The following APBA3 variants were observed in gnomAD, a reference collection of about 807,000 sequenced individuals.
APBA3 encodes amyloid-beta A4 precursor protein-binding family A member 3.
APBA3 carries 45 observed loss-of-function variants against 55.9 expected under a neutral mutation model. The observed-to-expected ratio is 0.80, with a 90% CI of 0.63 to 1.03. The LOEUF is 1.03. Among genes scored for constraint, APBA3 ranks in the 50% least tolerant of loss-of-function variants. The pLI is 0.00. For missense variants in APBA3, 865 were observed against 820.3 expected, an observed-to-expected ratio of 1.05 and a Z score of -0.67; for synonymous variants, 370 against 353.3, an observed-to-expected ratio of 1.05 and a Z score of -0.53.
In APBA3 at chr19:3,752,496, C is replaced by T; in HGVS notation, c.1395+12G>A. 6.4e-7 allele frequency: 1 copy of T among 1,558,726 alleles called. No homozygotes were observed. The highest frequency in any genetic ancestry group is 1.3e-5 in the African/African-American group (1 of 74,278). ...TGGGAGTGTGGGGGCCCTGCCACAC[C>T]AGGAAACTCACGCGGACAGCGGCCT... On this transcript the variant is annotated intron_variant, in intron 8 of 10. Transcript: ENST00000316757.
intron 3 of APBA3, among the ~76,000 whole-genome samples, chr19:3,757,431 C>T (rs2037091007): frequency 6.6e-6 from 1 of 151,898 alleles, no homozygotes; most frequent in African/African-American, 2.4e-5. Flanking sequence ...GACCTATATC[C>T]TTAGCGAAGT....
intron 3 of APBA3, among the ~76,000 whole-genome samples, chr19:3,758,276 C>T (rs2037102809): frequency 2.0e-5 from 3 of 151,792 alleles, no homozygotes; most frequent in Non-Finnish European, 4.4e-5. Context: ...ATTTTTGAGA[C>T]AGAGTCTCGC....
rs753396584 is a variant in APBA3 at position 3,752,595 on chromosome 19, C to T, written c.1308G>A (p.Gly436=). 26 of 1,586,266 alleles carry T rather than the reference C, an allele frequency of 1.6e-5. No homozygotes were observed. Among genetic ancestry groups the T allele is most frequent in the Non-Finnish European group, 2.1e-5 (25 of 1,171,456 alleles). Reference sequence around the variant, plus strand: ...TCAGGCGGTCCCCGATGCTGAGGGCCCCCGAGCGCTCAGCAGGCCCCCCGT... The same window carrying T: ...TCAGGCGGTCCCCGATGCTGAGGGCTCCCGAGCGCTCAGCAGGCCCCCCGT... ...LLHGGPAERS[G]ALSIGDRLTA... The change falls in exon 8 of 11, where the codon GGG becomes GGA. Residue 436 remains glycine, a synonymous_variant. Coordinates refer to ENST00000316757, the MANE Select transcript of APBA3 (RefSeq NM_004886.4).
At chr19:3,756,119 G>A (rs1298115265) in intron 3 of APBA3, 3 of 152,210 alleles carry the variant, frequency 2.0e-5, no homozygotes, top group African/African-American at 7.2e-5. Context: ...GACTTGAAAT[G>A]TGGCTCGACT....
intron 5 of APBA3, 36 bp from the exon 6 acceptor site, chr19:3,753,962 G>A (rs1208574528): frequency 6.4e-7 from 1 of 1,564,160 alleles, no homozygotes; most frequent in Admixed American, 1.9e-5. Flanking sequence ...GGGTTGGGGG[G>A]CCGTGCCAGG....
At chr19:3,751,725 G>T in intron 8 of APBA3, 172 bp from the exon 9 acceptor site, 1 of 780,834 alleles carries the variant, frequency 1.3e-6, no homozygotes, top group Non-Finnish European at 1.9e-6. Flanking sequence ...CGGTGGGCAT[G>T]GGGTCGAAGC....
chr19:3,754,964 A>G (rs2145720920), intron 3 of APBA3: 1 of 151,746 alleles, frequency 6.6e-6, no homozygotes, highest in Middle Eastern at 3.4e-3. Context: ...ACGACGCTCC[A>G]CCCCCCACTC....
chr19:3,751,483 T>A lies in APBA3; in HGVS notation c.1466A>T (p.His489Leu). The change falls in exon 9 of 11, where the codon CAC (histidine) becomes CTC (leucine). Residue 489 changes from histidine to leucine, a missense_variant. Coordinates refer to ENST00000316757, the MANE Select transcript of APBA3 (RefSeq NM_004886.4). ...CAGCTGCTCGCGGGCGTGGGGCCGG[T>A]GGATGATGGCGGTGGTGACGGGAGG... is the stretch of plus-strand genomic sequence containing the variant. The part of the protein sequence containing the change: ...HCPPVTTAII[H>L]RPHAREQLGF... The A allele has an allele frequency of 6.4e-7, 1 of 1,572,752 alleles. No individual in the cohort carries two copies. The highest frequency in any genetic ancestry group is 1.2e-5 in the South Asian group (1 of 86,222).
rs963806488 is a variant in APBA3 at position 3,760,958 on chromosome 19, G to A, written c.-38+578C>T. Reference sequence around the variant, plus strand: ...AAAAACAAAAAACTTGAGGTTTCCCGGCTGCCTATCCGGTGCTAGGCTCTA... The same window carrying A: ...AAAAACAAAAAACTTGAGGTTTCCCAGCTGCCTATCCGGTGCTAGGCTCTA... On this transcript the variant is annotated intron_variant, in intron 1 of 10. Transcript: ENST00000316757. Among the ~76,000 whole-genome samples, 9 of 152,114 alleles carry A rather than the reference G, an allele frequency of 5.9e-5. No individual in the cohort carries two copies. The South Asian group carries it at 1.2e-3, about 21-fold the overall frequency.
At chr19:3,760,326 A>AG in intron 1 of APBA3, 25 bp from the exon 2 acceptor site, 1 of 1,459,950 alleles carries the variant, frequency 6.8e-7, no homozygotes, top group Non-Finnish European at 9.1e-7. Flanking sequence ...GTCAGCACTG[A>AG]GGTTTCGCCC....
rs200682478 is a variant in APBA3 at position 3,752,879 on chromosome 19, C to A, written c.1123G>T (p.Ala375Ser). The A allele has an allele frequency of 1.5e-5, 25 of 1,613,234 alleles. No homozygotes were observed. The highest frequency in any genetic ancestry group is 2.2e-5 in the East Asian group (1 of 44,830). Residue 375 changes from alanine (A) to serine (S), a missense_variant, in exon 7 of 11, where the codon GCC (alanine) becomes TCC (serine). Ala to Ser is a moderately conservative substitution (Grantham distance 99). Transcript: ENST00000316757. ...SQVGVHPSPGACHLHNGDLDH... is the reference protein window; with the variant it reads ...SQVGVHPSPGSCHLHNGDLDH... ...AGGTCCCCATTATGGAGGTGGCAGGCGCCTGGGCTCGGGTGCACGCCCACC... is the reference window on the plus strand; with the variant it reads ...AGGTCCCCATTATGGAGGTGGCAGGAGCCTGGGCTCGGGTGCACGCCCACC...
At chr19:3,753,730 C>T in intron 6 of APBA3, 35 bp downstream of exon 6, 1 of 1,473,748 alleles carries the variant, frequency 6.8e-7, no homozygotes, top group Non-Finnish European at 9.0e-7. Flanking sequence ...GTGAGGAGGG[C>T]CTCAGGAGGG....
chr19:3,760,275 C>G lies in APBA3; in HGVS notation c.-11G>C. On this transcript the variant is annotated 5_prime_UTR_variant, in exon 2 of 11. Transcript: ENST00000316757. ...TGTGGGGAAGTCCATGCCTGGACTC[C>G]AGGCTTAGGCCGGCATCTTCAGGCA... 6.3e-7 allele frequency: 1 copy of G among 1,583,068 alleles called. No homozygotes were observed. The highest frequency in any genetic ancestry group is 8.5e-7 in the Non-Finnish European group (1 of 1,173,512).
rs376259600 is a variant in APBA3, at chr19:3,753,844, C to T, written c.932G>A (p.Arg311Gln). The part of the protein sequence containing the change: ...GCVLVLMARR[R>Q]LARRPAPQDH... ...CTGGGGTGCCGGCCTCCGTGCCAGCCGCCGCCGCGCCATCAGCACCAGCAC... is the reference window on the plus strand; with the variant it reads ...CTGGGGTGCCGGCCTCCGTGCCAGCTGCCGCCGCGCCATCAGCACCAGCAC... Residue 311 changes from arginine (R) to glutamine (Q), a missense_variant, in exon 6 of 11, where the codon CGG becomes CAG. Arg to Gln is a conservative substitution (Grantham distance 43, BLOSUM62 1). Coordinates refer to ENST00000316757, the MANE Select transcript of APBA3 (RefSeq NM_004886.4). 8.1e-5 allele frequency: 127 copies of T among 1,566,314 alleles called. No homozygotes were observed. Among genetic ancestry groups the T allele is most frequent in the African/African-American group, 8.1e-5 (6 of 74,220 alleles).
At position 3,754,004 on chromosome 19, in the gene APBA3, G is replaced by A; in HGVS notation, c.849+15C>T. The A allele has an allele frequency of 6.2e-7, 1 of 1,603,674 alleles. No homozygotes were observed. ...CACCCCACCCGCATCCCTGGGGCGG[G>A]TCCCTGCCCCGTACCTGGGAGTCCG... On this transcript the variant is annotated intron_variant, in intron 5 of 10. Transcript: ENST00000316757.
chr19:3,759,263 T>A (rs1226600913), intron 3 of APBA3, among the ~76,000 whole-genome samples: 1 of 152,232 alleles, frequency 6.6e-6, no homozygotes, highest in Middle Eastern at 3.4e-3. Context: ...CATCTTTAAC[T>A]CGAGACCTAC....
chr19:3,751,140 T>TCGTGGGGGA (rs754881811), intron 10 of APBA3, 43 bp from the exon 11 acceptor site: 3 of 1,558,076 alleles, frequency 1.9e-6, no homozygotes, highest in Non-Finnish European at 2.6e-6. Context: ...AGGCCTGGGC[T>TCGTGGGGGA]CGTGGGGGAC....
chr19:3,754,990 CACA>C (rs2037060517), intron 3 of APBA3: 1 of 152,508 alleles, frequency 6.6e-6, no homozygotes, highest in South Asian at 2.1e-4. Flanking sequence ...TCGAAACCTC[CACA>C]ACATTCTAGA....
rs756030459 is a variant in APBA3, at chr19:3,751,283, C to T, written c.1562G>A (p.Arg521His). 2.3e-5 allele frequency: 36 copies of T among 1,542,120 alleles called. No individual in the cohort carries two copies. The highest frequency in any genetic ancestry group is 5.9e-5 in the South Asian group (5 of 84,040). The change falls in exon 10 of 11, where the codon CGC (arginine) becomes CAC (histidine). Residue 521 changes from arginine to histidine, a missense_variant. Transcript: ENST00000316757. ...GATCTCAATGATGCGGTGGCCGACG[C>T]GGATGCCCCCACGCTCGGCGATGCC... ...RGGIAERGGI[R>H]VGHRIIEING... is the part of the protein sequence containing the mutation.
Sources: gnomAD v4.1 joint callset for allele counts (sites outside exome capture counted in the v4.1 genomes callset) on GRCh38, gnomAD v4.1.1 for gene constraint, MANE v1.5 for transcripts, NCBI Gene and HGNC (gene_info 2026-07-23, HGNC 2026-07-21) for gene names.